The following MAGI1 variants were observed in gnomAD, a reference collection of about 807,000 sequenced individuals.
The protein encoded by MAGI1 is membrane associated guanylate kinase, WW and PDZ domain containing 1.
A neutral mutation model predicts 139.9 loss-of-function variants in MAGI1; 58 were observed. The observed-to-expected ratio is 0.41, with a 90% confidence interval of 0.34 to 0.52. MAGI1 has a LOEUF of 0.52. Ranked by LOEUF, MAGI1 falls within the 20% of genes least tolerant of loss-of-function variation. The pLI is 0.12. For synonymous variants in MAGI1, 812 were observed against 737.9 expected, an observed-to-expected ratio of 1.10 and a Z score of -1.63; for missense variants, 1,874 against 1,901.6, an observed-to-expected ratio of 0.99 and a Z score of 0.27.
chr3:65,651,884 G>A (rs1401162907), intron 1 of MAGI1, among the ~76,000 whole-genome samples: 1 of 151,972 alleles, frequency 6.6e-6, no homozygotes, highest in Non-Finnish European at 1.5e-5. Context: ...GCTCATCTTT[G>A]GAGAATGTAT....
rs565283613 is a variant in MAGI1 at position 65,613,112 on chromosome 3, T to C, written c.430+8860A>G. Among the ~76,000 whole-genome samples the C allele has an allele frequency of 3.3e-5, 5 of 152,314 alleles. No individual in the cohort carries two copies. The South Asian group carries it at 1.0e-3, about 32-fold the overall frequency. ...AAAAATAAACCAAGAGCTTGGACTG[T>C]GGAGGTGGTTAGAACTAGGTTTGAA... On this transcript the variant is annotated intron_variant, in intron 2 of 22. Coordinates refer to ENST00000402939, the MANE Select transcript of MAGI1 (RefSeq NM_001033057.2).
chr3:65,669,776 G>A (rs535672212), intron 1 of MAGI1, among the ~76,000 whole-genome samples: 2 of 152,306 alleles, frequency 1.3e-5, no homozygotes, highest in Admixed American at 1.3e-4. Flanking sequence ...CACCTATCCA[G>A]TGGAAAGTTT....
At chr3:66,001,513 C>G (rs2066738225) in intron 1 of MAGI1, among the ~76,000 whole-genome samples, 1 of 152,148 alleles carries the variant, frequency 6.6e-6, no homozygotes, top group Non-Finnish European at 1.5e-5. Context: ...AAACACTTGA[C>G]AGACAAGATC....
chr3:65,386,812 A>G (rs1173180777), intron 14 of MAGI1, among the ~76,000 whole-genome samples: 1 of 152,212 alleles, frequency 6.6e-6, no homozygotes, highest in Non-Finnish European at 1.5e-5. Context: ...TCCTTTGGGT[A>G]ATGCCAGTGA....
intron 2 of MAGI1, among the ~76,000 whole-genome samples, chr3:65,610,437 T>C (rs1209016085): frequency 6.6e-6 from 1 of 152,088 alleles, no homozygotes; most frequent in Non-Finnish European, 1.5e-5. Flanking sequence ...GATGTCTTAT[T>C]TCCAAGTCAT....
At chr3:65,633,633 G>A (rs969600626) in intron 1 of MAGI1, among the ~76,000 whole-genome samples, 9 of 152,094 alleles carry the variant, frequency 5.9e-5, no homozygotes. Flanking sequence ...AGAAAAGCAA[G>A]CTTAGGTTTA....
chr3:65,554,750 C>A (rs777174394), intron 2 of MAGI1, among the ~76,000 whole-genome samples: 4 of 152,172 alleles, frequency 2.6e-5, no homozygotes, highest in Non-Finnish European at 4.4e-5. Context: ...CATCAGACAA[C>A]CCTGATTTAA....
chr3:65,955,046 A>G (rs1239630619), intron 1 of MAGI1, among the ~76,000 whole-genome samples: 6 of 152,226 alleles, frequency 3.9e-5, no homozygotes. Context: ...ATCAGAGCCC[A>G]GCAGTTTTAA....
At chr3:65,803,765 A>G (rs1045000791) in intron 1 of MAGI1, among the ~76,000 whole-genome samples, 2 of 152,090 alleles carry the variant, frequency 1.3e-5, no homozygotes, top group Non-Finnish European at 2.9e-5. Flanking sequence ...TGTTCTCATC[A>G]TTTAGCTCCC....
intron 1 of MAGI1, among the ~76,000 whole-genome samples, chr3:65,791,580 T>G (rs1365942911): frequency 6.6e-6 from 1 of 151,958 alleles, no homozygotes; most frequent in Non-Finnish European, 1.5e-5. Flanking sequence ...AGAAAATGAA[T>G]AAAAGAATGG....
At chr3:65,471,064 A>G (rs935839090) in intron 4 of MAGI1, among the ~76,000 whole-genome samples, 3 of 152,346 alleles carry the variant, frequency 2.0e-5, no homozygotes, top group Admixed American at 1.3e-4. Flanking sequence ...GGAGAGAGCT[A>G]TACCAGTGAG....
At chr3:65,515,815 G>C (rs1300457749) in intron 2 of MAGI1, among the ~76,000 whole-genome samples, 3 of 152,134 alleles carry the variant, frequency 2.0e-5, no homozygotes, top group Non-Finnish European at 4.4e-5. Context: ...ACTTTACAGA[G>C]AAAAGGTATT....
At chr3:65,363,656 T>C (rs1418462225) in intron 20 of MAGI1, 48 bp from the exon 21 acceptor site, 5 of 1,546,692 alleles carry the variant, frequency 3.2e-6, no homozygotes, top group South Asian at 2.3e-5. Flanking sequence ...CTAATATCCA[T>C]AGGACTCTTC....
chr3:65,360,956 T>C, intron 22 of MAGI1: 2 of 1,420,670 alleles, frequency 1.4e-6, no homozygotes, highest in Non-Finnish European at 1.8e-6. Flanking sequence ...ACGTTCTCTC[T>C]GATTATCAGA....
chr3:65,806,206 G>A (rs1575565737), intron 1 of MAGI1, among the ~76,000 whole-genome samples: 1 of 152,046 alleles, frequency 6.6e-6, no homozygotes, highest in South Asian at 2.1e-4. Flanking sequence ...TGAGGCAGGT[G>A]GATCACAAGG....
chr3:65,550,756 G>A (rs116246743), intron 2 of MAGI1, among the ~76,000 whole-genome samples: 3,798 of 151,430 alleles, frequency 0.025, 77 homozygotes, highest in Admixed American at 0.049. Context: ...CTTGAGCCCC[G>A]AAGTTTGTGA....
At chr3:65,719,953 T>G (rs1169997274) in intron 1 of MAGI1, 1 of 152,178 alleles carries the variant, frequency 6.6e-6, no homozygotes, top group Non-Finnish European at 1.5e-5. Flanking sequence ...TGTCTATAGT[T>G]TATTTAACCT....
rs1465773052 is a variant in MAGI1, at chr3:65,353,994, CAAG to C, written c.*2381_*2383del. 6.6e-6 allele frequency: 1 copy of C among 152,210 alleles called. No homozygotes were observed. Among genetic ancestry groups the C allele is most frequent in the African/African-American group, 2.4e-5 (1 of 41,450 alleles). The allele number at this position is 152,210 out of a possible 1,614,324, so 9.4% of individuals were successfully genotyped here. A position where few individuals can be genotyped will look rare whatever the true frequency, so the allele number is the denominator to read the frequency against. On this transcript the variant is annotated 3_prime_UTR_variant, in exon 23 of 23. Coordinates refer to ENST00000402939, the MANE Select transcript of MAGI1 (RefSeq NM_001033057.2). ...TAAATTGCCAAATATCATCTTACAA[CAAG>C]AAGGACATCAAGATGTTAACTTCAG... is the stretch of plus-strand genomic sequence containing the variant.
chr3:65,922,467 A>AC (rs1410943801), intron 1 of MAGI1, among the ~76,000 whole-genome samples: 1 of 64,638 alleles, frequency 1.5e-5, no homozygotes, highest in Non-Finnish European at 2.8e-5. Flanking sequence ...TGTGAAGAGG[A>AC]GGTAAAAACT....
Sources: allele counts gnomAD v4.1 joint callset (sites outside exome capture counted in the v4.1 genomes callset), GRCh38; gene constraint gnomAD v4.1.1; transcripts MANE v1.5; gene names NCBI Gene and HGNC (gene_info 2026-07-23, HGNC 2026-07-21).